ATAD2B: variants seen among roughly 807,000 people sequenced by gnomAD.
ATAD2B encodes ATPase family AAA domain containing 2B, also known as ATPase family AAA domain-containing protein 2B.
ATAD2B carries 40 observed loss-of-function variants against 167.6 expected under a neutral mutation model. The ratio of observed to expected loss-of-function variants is 0.24; its 90% CI spans 0.19 to 0.31. The LOEUF (loss-of-function observed/expected upper bound fraction) is 0.31. ATAD2B is among the 10% of genes least tolerant of loss of function. ATAD2B has a pLI of 1.00. For synonymous variants in ATAD2B, 579 were observed against 596.5 expected (o/e 0.97, Z 0.43); for missense variants, 1,242 against 1,757.2 (o/e 0.71, Z 5.24).
At chr2:23,701,897 T>G in the ATAD2B span, among the ~76,000 whole-genome samples, 39 of 146,694 alleles carry the variant, frequency 2.7e-4, no homozygotes, top group African/African-American at 9.8e-4. Context: ...GCCTCCCAGG[T>G]TCAAGCAGTT....
At position 23,919,040 on chromosome 2, in the gene ATAD2B, T is replaced by C. The variant is rs1249068132; in HGVS notation, c.216+7515A>G. ...TAGGGCAAAATGCAACAAGTGAGTA[T>C]AGCAAAAAAGAAAGATTGTCGGCTA... is the stretch of plus-strand genomic sequence containing the variant. On this transcript the variant is annotated intron_variant, in intron 1 of 27. Coordinates refer to ENST00000238789, the MANE Select transcript of ATAD2B (RefSeq NM_017552.4). Among the ~76,000 whole-genome samples the C allele has an allele frequency of 3.3e-5, 5 of 152,122 alleles. No homozygotes were observed. In the South Asian group the frequency reaches 8.3e-4, roughly 25 times the overall value.
At chr2:23,917,388 T>C (rs17762931) in intron 1 of ATAD2B, among the ~76,000 whole-genome samples, 4,173 of 152,370 alleles carry the variant, frequency 0.027, 83 homozygotes, top group Non-Finnish European at 0.043. Flanking sequence ...AATCTTCACA[T>C]ATAAATATGC....
intron 12 of ATAD2B, among the ~76,000 whole-genome samples, chr2:23,858,961 A>G (rs1693893550): frequency 6.6e-6 from 1 of 152,212 alleles, no homozygotes; most frequent in Non-Finnish European, 1.5e-5. Context: ...GTATAAACAT[A>G]TTAATATAAT....
At chr2:23,744,518 T>C (rs1349242162), downstream of ATAD2B, among the ~76,000 whole-genome samples, 1 of 152,244 alleles carries the variant, frequency 6.6e-6, no homozygotes, top group Admixed American at 6.5e-5. Context: ...ACACTTACTA[T>C]GTGCCTGGTA....
chr2:23,838,658 T>C (rs1452136515), intron 13 of ATAD2B, among the ~76,000 whole-genome samples: 1 of 152,190 alleles, frequency 6.6e-6, no homozygotes, highest in Admixed American at 6.5e-5. Context: ...TTGTTTTGTA[T>C]GATGTGTAGA....
chr2:23,855,706 T>C (rs1039126304), intron 13 of ATAD2B, among the ~76,000 whole-genome samples: 32 of 152,120 alleles, frequency 2.1e-4, no homozygotes, highest in African/African-American at 6.8e-4. Flanking sequence ...CAGGGAAACA[T>C]AGCGAGACTC....
intron 18 of ATAD2B, among the ~76,000 whole-genome samples, chr2:23,807,084 T>C (rs1684508457): frequency 6.6e-6 from 1 of 152,174 alleles, no homozygotes; most frequent in Non-Finnish European, 1.5e-5. Flanking sequence ...GATATGCCCA[T>C]CCCAAATCCC....
chr2:23,819,715 A>G (rs1405071018), intron 17 of ATAD2B, 32 bp downstream of exon 17: 1 of 1,519,452 alleles, frequency 6.6e-7, no homozygotes, highest in East Asian at 2.3e-5. Context: ...AAATCACTCT[A>G]AATACAAAGA....
chr2:23,682,869 G>A, the ATAD2B span, among the ~76,000 whole-genome samples: 1 of 137,990 alleles, frequency 7.2e-6, no homozygotes, highest in South Asian at 2.6e-4. The surrounding 1 kb of genome is among the most constrained non-coding windows in gnomAD (Gnocchi z 4.1). Flanking sequence ...TGTGACTTGG[G>A]GTTGGCGGGG....
At chr2:23,773,386 C>T (rs549206504) in intron 22 of ATAD2B, among the ~76,000 whole-genome samples, 9 of 152,068 alleles carry the variant, frequency 5.9e-5, no homozygotes, top group Admixed American at 5.2e-4. Flanking sequence ...CATGTGGTCC[C>T]GGCTATTCAG....
At chr2:23,851,545 A>G (rs1328798736) in intron 13 of ATAD2B, among the ~76,000 whole-genome samples, 1 of 152,216 alleles carries the variant, frequency 6.6e-6, no homozygotes, top group African/African-American at 2.4e-5. Context: ...CTGCCCCTTC[A>G]TATGTATACC....
intron 4 of ATAD2B, among the ~76,000 whole-genome samples, chr2:23,887,518 T>C (rs1371301102): frequency 6.6e-6 from 1 of 152,188 alleles, no homozygotes; most frequent in Non-Finnish European, 1.5e-5. Context: ...ATAGCGATTG[T>C]ACTGACCACC....
At chr2:23,892,112 C>T (rs1699588560) in intron 2 of ATAD2B, among the ~76,000 whole-genome samples, 1 of 152,210 alleles carries the variant, frequency 6.6e-6, no homozygotes, top group African/African-American at 2.4e-5. Flanking sequence ...TCCTCATTAC[C>T]TAACCACAAA....
chr2:23,888,501 AAAAGT>A (rs1215322865), intron 2 of ATAD2B, 102 bp from the exon 3 acceptor site: 95 of 749,036 alleles, frequency 1.3e-4, no homozygotes, highest in Middle Eastern at 9.2e-4. Context: ...AAACTTTTTT[AAAAGT>A]AAAGATAACT....
intron 1 of ATAD2B, among the ~76,000 whole-genome samples, chr2:23,921,205 C>CAAAAA (rs61004964): frequency 5.6e-3 from 173 of 30,996 alleles, no homozygotes; most frequent in Non-Finnish European, 5.9e-3. Context: ...GACTCCATCT[C>CAAAAA]AAAAAAAAAA....
intron 17 of ATAD2B, among the ~76,000 whole-genome samples, chr2:23,812,917 G>A (rs1685835978): frequency 6.6e-6 from 1 of 150,874 alleles, no homozygotes; most frequent in Non-Finnish European, 1.5e-5. Flanking sequence ...GCACTTGATA[G>A]AGATTTCTTG....
At chr2:23,696,558 A>G in the ATAD2B span, 2 of 1,423,950 alleles carry the variant, frequency 1.4e-6, no homozygotes, top group East Asian at 5.0e-5. This position sits in a 1 kb window ranked among gnomAD's most constrained non-coding sequence, Gnocchi z 5.5. Flanking sequence ...TTTGCTCACC[A>G]AGAACTGAAA....
intron 18 of ATAD2B, among the ~76,000 whole-genome samples, chr2:23,799,462 A>C (rs987473590): frequency 5.3e-5 from 8 of 150,326 alleles, no homozygotes; most frequent in African/African-American, 2.0e-4. Context: ...AGTCCCAGCT[A>C]CTCAGGAGAC....
the ATAD2B span, among the ~76,000 whole-genome samples, chr2:23,717,399 T>G: frequency 6.6e-6 from 1 of 152,042 alleles, no homozygotes; most frequent in Non-Finnish European, 1.5e-5. Flanking sequence ...GCCCAAGGCT[T>G]CTTCCAGGAC....
Sources: allele counts gnomAD v4.1 joint callset (sites outside exome capture counted in the v4.1 genomes callset), GRCh38; gene constraint gnomAD v4.1.1; non-coding constraint Gnocchi (gnomAD v3.1); transcripts MANE v1.5; gene names NCBI Gene and HGNC (gene_info 2026-07-23, HGNC 2026-07-21).